The following FGF14 variants were observed in gnomAD, a reference collection of about 807,000 sequenced individuals.
FGF14 encodes the protein fibroblast growth factor homologous factor 4.
Under a neutral mutation model 25.5 loss-of-function variants are expected in FGF14, and 5 were observed. The ratio of observed to expected loss-of-function variants is 0.20; its 90% CI spans 0.10 to 0.41. The LOEUF (loss-of-function observed/expected upper bound fraction) is 0.41, where lower values mean the gene tolerates loss of function less well. Ranked by LOEUF, FGF14 falls within the 10% of genes least tolerant of loss-of-function variation. The probability of loss-of-function intolerance (pLI) is 1.00; values close to 1 mark genes in which losing one functional copy is unlikely to be tolerated. For missense variants in FGF14, 222 were observed against 320.1 expected, an observed-to-expected ratio of 0.69 and a Z score of 2.34; for synonymous variants, 138 against 118.3, an observed-to-expected ratio of 1.17 and a Z score of -1.08.
chr13:101,726,313 ATTAAT>A (rs1214379434), intron 4 of FGF14, among the ~76,000 whole-genome samples: 2 of 152,056 alleles, frequency 1.3e-5, no homozygotes, highest in Non-Finnish European at 2.9e-5. Flanking sequence ...TTTTAACTTA[ATTAAT>A]TTAAATTATC....
At chr13:102,023,252 A>C (rs1195991752) in intron 1 of FGF14, among the ~76,000 whole-genome samples, 3 of 152,054 alleles carry the variant, frequency 2.0e-5, no homozygotes, top group African/African-American at 7.2e-5. Context: ...ATATACCTAG[A>C]AAGAAGCAAA....
At chr13:102,177,035 T>C (rs1192281192) in intron 1 of FGF14, among the ~76,000 whole-genome samples, 1 of 152,098 alleles carries the variant, frequency 6.6e-6, no homozygotes, top group Non-Finnish European at 1.5e-5. Flanking sequence ...AAAACATCAA[T>C]CAACCAAACA....
intron 1 of FGF14, among the ~76,000 whole-genome samples, chr13:101,980,126 G>T (rs2038159192): frequency 1.3e-5 from 2 of 152,122 alleles, no homozygotes; most frequent in Admixed American, 1.3e-4. Flanking sequence ...CATTACTTCT[G>T]GCATTCTGTA....
intron 2 of FGF14, among the ~76,000 whole-genome samples, chr13:101,871,413 T>C: frequency 6.6e-6 from 1 of 152,094 alleles, no homozygotes; most frequent in Admixed American, 6.6e-5. Context: ...GAAAAGCTCC[T>C]CAAATAACCC....
intron 1 of FGF14, among the ~76,000 whole-genome samples, chr13:102,131,925 A>C (rs2046214241): frequency 1.3e-5 from 2 of 152,338 alleles, no homozygotes. Context: ...ACTGTGACTA[A>C]AGATAGGAGG....
intron 1 of FGF14, among the ~76,000 whole-genome samples, chr13:101,936,643 T>C (rs1175719772): frequency 2.0e-5 from 3 of 152,176 alleles, no homozygotes; most frequent in Admixed American, 6.5e-5. Context: ...CAGAAATATA[T>C]CCTCTGGGAG....
chr13:102,398,437 T>C (rs2058630606), intron 1 of FGF14, among the ~76,000 whole-genome samples: 1 of 152,334 alleles, frequency 6.6e-6, no homozygotes, highest in East Asian at 1.9e-4. Flanking sequence ...ATTTCATAAC[T>C]TCCAAAGATA....
At chr13:102,394,532 T>G (rs1275887858) in intron 1 of FGF14, 1 of 152,266 alleles carries the variant, frequency 6.6e-6, no homozygotes, top group African/African-American at 2.4e-5. Context: ...CAGCACAAGC[T>G]GCCGGGTCCC....
intron 1 of FGF14, among the ~76,000 whole-genome samples, chr13:101,880,077 G>C (rs1476514804): frequency 6.6e-6 from 1 of 152,104 alleles, no homozygotes; most frequent in East Asian, 1.9e-4. Flanking sequence ...TTGACCCAAT[G>C]CTACCTCGAG....
intron 1 of FGF14, among the ~76,000 whole-genome samples, chr13:102,185,509 C>A (rs1405810762): frequency 6.6e-6 from 1 of 151,970 alleles, no homozygotes; most frequent in African/African-American, 2.4e-5. Context: ...TTATCTAAAT[C>A]TTTTCTGGCA....
At chr13:102,090,749 A>T (rs1164873365) in intron 1 of FGF14, among the ~76,000 whole-genome samples, 1 of 152,202 alleles carries the variant, frequency 6.6e-6, no homozygotes, top group African/African-American at 2.4e-5. Context: ...TGTCCATTCC[A>T]AAAAAAGATC....
At chr13:101,969,329 C>G (rs1414704789) in intron 1 of FGF14, among the ~76,000 whole-genome samples, 1 of 152,018 alleles carries the variant, frequency 6.6e-6, no homozygotes, top group Non-Finnish European at 1.5e-5. Flanking sequence ...TTTGGGAGGC[C>G]GAGGTGGGCG....
intron 1 of FGF14, among the ~76,000 whole-genome samples, chr13:102,192,910 A>G (rs1381556332): frequency 6.6e-6 from 1 of 152,066 alleles, no homozygotes; most frequent in South Asian, 2.1e-4. Context: ...CCCCTTAGCT[A>G]TTCTCTTTTC....
chr13:102,200,974 C>T (rs372784743), intron 1 of FGF14, among the ~76,000 whole-genome samples: 1 of 151,570 alleles, frequency 6.6e-6, no homozygotes, highest in Non-Finnish European at 1.5e-5. Context: ...TGGTGGGGGG[C>T]GCCTGTAGTC....
At chr13:101,870,192 T>G (rs1183139448) in intron 2 of FGF14, among the ~76,000 whole-genome samples, 2 of 152,092 alleles carry the variant, frequency 1.3e-5, no homozygotes, top group Non-Finnish European at 2.9e-5. Context: ...TTATTTAATA[T>G]TAAATATAGA....
chr13:101,818,294 A>T (rs1007976881), intron 3 of FGF14, among the ~76,000 whole-genome samples: 2 of 152,248 alleles, frequency 1.3e-5, no homozygotes, highest in Non-Finnish European at 1.5e-5. Flanking sequence ...AAATTCTGAT[A>T]AAGAAATCAT....
At chr13:102,012,037 G>A (rs1379888461) in intron 1 of FGF14, among the ~76,000 whole-genome samples, 1 of 152,104 alleles carries the variant, frequency 6.6e-6, no homozygotes, top group Non-Finnish European at 1.5e-5. Context: ...TTAGCTTGGA[G>A]ACCAAAATGA....
chr13:102,354,685 G>A (rs913167152), intron 1 of FGF14, among the ~76,000 whole-genome samples: 44 of 152,156 alleles, frequency 2.9e-4, no homozygotes, highest in African/African-American at 9.7e-4. Context: ...TGTCATGGGT[G>A]TGTCTTTAAC....
chr13:101,852,707 C>T (rs1338268076), intron 3 of FGF14, among the ~76,000 whole-genome samples: 1 of 152,036 alleles, frequency 6.6e-6, no homozygotes, highest in Non-Finnish European at 1.5e-5. Context: ...TGTCAAAACT[C>T]CTTATTCTTT....
Sources: allele counts gnomAD v4.1 joint callset (sites outside exome capture counted in the v4.1 genomes callset), GRCh38; gene constraint gnomAD v4.1.1; transcripts MANE v1.5; gene names NCBI Gene and HGNC (gene_info 2026-07-23, HGNC 2026-07-21).